The following P2RY10 variants were observed in gnomAD, a reference collection of about 807,000 sequenced individuals.
P2RY10 encodes putative P2Y purinoceptor 10.
A neutral mutation model predicts 12.1 loss-of-function variants in P2RY10; 4 were observed. The observed-to-expected ratio is 0.33, with a 90% confidence interval of 0.16 to 0.76. P2RY10 has a LOEUF of 0.76. Among genes scored for constraint, P2RY10 ranks in the 30% least tolerant of loss-of-function variants. P2RY10 has a pLI of 0.61. For missense variants in P2RY10, 233 were observed against 264.6 expected, an observed-to-expected ratio of 0.88 and a Z score of 0.83; for synonymous variants, 112 against 94.1, an observed-to-expected ratio of 1.19 and a Z score of -1.10.
rs769986807 is a variant in P2RY10 at position 78,947,877 on chromosome X, C to CT, written c.-157+20dup. 1.2e-5 allele frequency: 8 copies of CT among 663,246 alleles called. No individual in the cohort carries two copies. Among genetic ancestry groups the CT allele is most frequent in the African/African-American group, 1.2e-4 (5 of 41,637 alleles). 54.7% of individuals were successfully genotyped at this position (663,246 alleles called of 1,213,427 possible). On this transcript the variant is annotated intron_variant, in intron 2 of 3. Coordinates refer to ENST00000171757, the MANE Select transcript of P2RY10 (RefSeq NM_014499.4). ...GGCAAATGCTTTGTAAGTAATTTCCCTTTTTTAAAAATGAGAAAATGCAAG... is the reference window on the plus strand; with the variant it reads ...GGCAAATGCTTTGTAAGTAATTTCCCTTTTTTTAAAAATGAGAAAATGCAAG...
intron 3 of P2RY10, among the ~76,000 whole-genome samples, chrX:78,957,357 G>GACAC (rs765759888): frequency 0.07 from 4,001 of 57,538 alleles, 218 homozygotes; most frequent in East Asian, 0.21. Flanking sequence ...GGAAGAGAAA[G>GACAC]ACACACACAC....
At position 78,960,518 on chromosome X, in the gene P2RY10, T is replaced by C; in HGVS notation, c.-3T>C. ...TTTTACTTTGGGCAGGAACCATAAA[T>C]CCATGGCTAACCTTGACAAATACAC... On this transcript the variant is annotated 5_prime_UTR_variant, in exon 4 of 4. Transcript: ENST00000171757. 1 of 1,202,449 alleles carries C rather than the reference T, an allele frequency of 8.3e-7. No homozygotes were observed.
chrX:78,962,937 A>G lies in P2RY10; in HGVS notation c.*1397A>G, dbSNP rs962495436. Among the ~76,000 whole-genome samples, 8 of 112,333 alleles carry G rather than the reference A, an allele frequency of 7.1e-5. No individual in the cohort carries two copies. Among genetic ancestry groups the G allele is most frequent in the African/African-American group, 2.3e-4 (7 of 30,978 alleles). Reference sequence around the variant, plus strand: ...AAGATTTCTGTGAGCGTAATTGACAATATCTGCATTAGAAACAGAAAGTAT... The same window carrying G: ...AAGATTTCTGTGAGCGTAATTGACAGTATCTGCATTAGAAACAGAAAGTAT... On this transcript the variant is annotated 3_prime_UTR_variant, in exon 4 of 4. Coordinates refer to ENST00000171757, the MANE Select transcript of P2RY10 (RefSeq NM_014499.4).
chrX:78,956,026 A>G (rs1569244281), intron 3 of P2RY10, among the ~76,000 whole-genome samples: 1 of 112,092 alleles, frequency 8.9e-6, no homozygotes, highest in Non-Finnish European at 1.9e-5. Context: ...CCTCACTCCC[A>G]TGTGTAGGTG....
chrX:78,955,126 AT>A (rs1922278701), intron 3 of P2RY10, among the ~76,000 whole-genome samples: 1 of 110,502 alleles, frequency 9.0e-6, no homozygotes. Context: ...AGCAGCTAAA[AT>A]AGTACTGGTA....
At chrX:78,959,302 C>T (rs1290031791) in intron 3 of P2RY10, among the ~76,000 whole-genome samples, 2 of 111,116 alleles carry the variant, frequency 1.8e-5, no homozygotes, top group African/African-American at 3.3e-5. Flanking sequence ...AAACTCCTCT[C>T]TCTGGGCCTT....
At chrX:78,951,666 A>G (rs1295823500) in intron 2 of P2RY10, among the ~76,000 whole-genome samples, 3 of 111,445 alleles carry the variant, frequency 2.7e-5, no homozygotes, top group Non-Finnish European at 3.8e-5. Flanking sequence ...AAGGAATATG[A>G]TGGAGTTTTA....
intron 3 of P2RY10, among the ~76,000 whole-genome samples, chrX:78,954,016 C>T (rs1273448448): frequency 1.8e-5 from 2 of 111,231 alleles, no homozygotes; most frequent in African/African-American, 6.6e-5. Context: ...ATAGGCGTGC[C>T]ACCGCACCCA....
In P2RY10 at chrX:78,947,826, A is replaced by AT; in HGVS notation, c.-193dup. ...TATATTTCTTTCAGGTAATGTTATC[A>AT]TGACAGCTTCAACTTTTAGACCACA... On this transcript the variant is annotated 5_prime_UTR_variant, in exon 2 of 4. An upstream start codon of the reference 5' UTR is lost. Transcript: ENST00000171757. 2.5e-5 allele frequency: 18 copies of AT among 707,731 alleles called. No individual in the cohort carries two copies. The highest frequency in any genetic ancestry group is 3.0e-5 in the Non-Finnish European group (18 of 596,645). The allele number at this position is 707,731 out of a possible 1,213,427, so 58.3% of individuals were successfully genotyped here.
intron 2 of P2RY10, 103 bp from the exon 3 acceptor site, chrX:78,952,090 T>C (rs1043292712): frequency 3.2e-6 from 1 of 310,815 alleles, no homozygotes; most frequent in African/African-American, 2.9e-5. Context: ...GCAAAGGAAA[T>C]GATCTCATTC....
intron 2 of P2RY10, among the ~76,000 whole-genome samples, chrX:78,949,732 G>C: frequency 8.9e-6 from 1 of 112,140 alleles, no homozygotes; most frequent in Admixed American, 9.5e-5. Context: ...GAAAATGTCT[G>C]TACTTGCAGA....
Position 78,960,498 on chromosome X carries a change from C to T in P2RY10, c.-13-10C>T, listed in dbSNP as rs200800758. The T allele has an allele frequency of 2.5e-6, 3 of 1,185,605 alleles. No homozygotes were observed. The highest frequency in any genetic ancestry group is 3.4e-6 in the Non-Finnish European group (3 of 880,241). ...CCATTTTACTCTTTATTTTGTTTTA[C>T]TTTGGGCAGGAACCATAAATCCATG... On this transcript the variant is annotated splice_polypyrimidine_tract_variant and intron_variant, in intron 3 of 3. Transcript: ENST00000171757.
In P2RY10 at chrX:78,952,720, T is replaced by C. The variant is rs764412012; in HGVS notation, c.-14+385T>C. On this transcript the variant is annotated intron_variant, in intron 3 of 3. Transcript: ENST00000171757. ...GGTTAGAAGAGTGTGATAATTCATC[T>C]TGAGCAGCAGGAAGGACAGCTGTGT... 2.0e-4 allele frequency among the ~76,000 whole-genome samples: 22 copies of C among 111,720 alleles called. No homozygotes were observed. The South Asian group carries it at 8.3e-3, about 42-fold the overall frequency.
chrX:78,956,383 A>T (rs1330638769), intron 3 of P2RY10, among the ~76,000 whole-genome samples: 11 of 111,836 alleles, frequency 9.8e-5, no homozygotes. Context: ...TGATATATCA[A>T]GGTTTTTAAT....
intron 2 of P2RY10, among the ~76,000 whole-genome samples, chrX:78,951,265 ATTAAGT>A (rs1333095957): frequency 1.8e-5 from 2 of 112,077 alleles, no homozygotes; most frequent in African/African-American, 6.5e-5. Context: ...CAAATTCCTA[ATTAAGT>A]TTAAGGGATT....
intron 3 of P2RY10, among the ~76,000 whole-genome samples, chrX:78,956,371 G>C (rs1922333370): frequency 9.0e-6 from 1 of 111,648 alleles, no homozygotes; most frequent in Non-Finnish European, 1.9e-5. Context: ...AAATGTACTA[G>C]TTGATATATC....
intron 3 of P2RY10, among the ~76,000 whole-genome samples, chrX:78,957,387 CAGAGAGAGAG>C (rs1555965494): frequency 2.6e-5 from 2 of 75,810 alleles, no homozygotes; most frequent in African/African-American, 9.5e-5. Context: ...CACACACACA[CAGAGAGAGAG>C]AGAGAGAGAG....
chrX:78,954,391 A>G (rs868654613), intron 3 of P2RY10, among the ~76,000 whole-genome samples: 2 of 111,131 alleles, frequency 1.8e-5, no homozygotes, highest in Non-Finnish European at 1.9e-5. Flanking sequence ...ACCAGGTGGG[A>G]TAGAATTATT....
intron 3 of P2RY10, among the ~76,000 whole-genome samples, chrX:78,953,715 T>C (rs1393641192): frequency 9.0e-6 from 1 of 111,591 alleles, no homozygotes; most frequent in Non-Finnish European, 1.9e-5. Context: ...AAATACTATG[T>C]CCCAAAAAAC....
Sources: allele counts gnomAD v4.1 joint callset (sites outside exome capture counted in the v4.1 genomes callset), GRCh38; gene constraint gnomAD v4.1.1; transcripts MANE v1.5; gene names NCBI Gene and HGNC (gene_info 2026-07-23, HGNC 2026-07-21).